Variants in LYN observed in about 807,000 individuals in gnomAD.
The protein encoded by LYN is tyrosine-protein kinase Lyn.
Under a neutral mutation model 65.0 loss-of-function variants are expected in LYN, and 12 were observed. The observed-to-expected ratio is 0.18, with a 90% CI of 0.12 to 0.30. The LOEUF (loss-of-function observed/expected upper bound fraction) is 0.30, where lower values mean the gene tolerates loss of function less well. LYN is among the 10% of genes least tolerant of loss of function. LYN has a pLI of 1.00. For missense variants in LYN, 380 were observed against 623.2 expected, an observed-to-expected ratio of 0.61 and a Z score of 4.16; for synonymous variants, 222 against 221.2, an observed-to-expected ratio of 1.00 and a Z score of -0.03.
chr8:56,005,240 A>G (rs1212331131), intron 12 of LYN, among the ~76,000 whole-genome samples: 1 of 152,114 alleles, frequency 6.6e-6, no homozygotes, highest in East Asian at 1.9e-4. Context: ...GTTTTGCCCT[A>G]ATGTCTGGTT....
At chr8:55,939,599 T>C (rs961197409) in intron 1 of LYN, among the ~76,000 whole-genome samples, 2 of 152,134 alleles carry the variant, frequency 1.3e-5, no homozygotes, top group African/African-American at 4.8e-5. Flanking sequence ...CGGTCCGTGC[T>C]GGGAGGGAGC....
intron 1 of LYN, among the ~76,000 whole-genome samples, chr8:55,892,880 C>A (rs778318597): frequency 6.6e-6 from 1 of 152,096 alleles, no homozygotes; most frequent in African/African-American, 2.4e-5. Context: ...GAATGCAAAG[C>A]CTTGTGTAAC....
chr8:55,881,244 T>C (rs1804645526), intron 1 of LYN, among the ~76,000 whole-genome samples: 1 of 152,216 alleles, frequency 6.6e-6, no homozygotes, highest in African/African-American at 2.4e-5. Context: ...ATGTCAGATT[T>C]AGCCATCTGA....
rs1808796005 is a variant in LYN, at chr8:56,010,862, G to A, written c.*752G>A. The A allele has an allele frequency of 4.4e-6, 1 of 229,852 alleles. No individual in the cohort carries two copies. The highest frequency in any genetic ancestry group is 8.6e-6 in the Non-Finnish European group (1 of 116,070). 14.2% of individuals were successfully genotyped at this position (229,852 alleles called of 1,614,324 possible). ...TGGACCTCCCAGGAAAGGGAGAAGA[G>A]CCTCAGAAACTGCTCTGTGTTTAGA... On this transcript the variant is annotated 3_prime_UTR_variant, in exon 13 of 13. Transcript: ENST00000519728.
chr8:55,890,657 T>C (rs1804931047), intron 1 of LYN, among the ~76,000 whole-genome samples: 2 of 152,056 alleles, frequency 1.3e-5, no homozygotes, highest in East Asian at 1.9e-4. Context: ...TTATTCACAA[T>C]AGCCAAGAAT....
chr8:55,884,380 C>T (rs1049603171), intron 1 of LYN, among the ~76,000 whole-genome samples: 4 of 152,026 alleles, frequency 2.6e-5, no homozygotes, highest in Non-Finnish European at 5.9e-5. Flanking sequence ...GCTGGGATTA[C>T]AGGTGTGAGC....
intron 1 of LYN, chr8:55,894,243 G>T: frequency 6.6e-6 from 1 of 152,510 alleles, no homozygotes; most frequent in South Asian, 1.9e-4. Flanking sequence ...TTCTGTTGCT[G>T]AGGCTGGAGT....
chr8:55,933,056 A>G (rs1806315046), intron 1 of LYN, among the ~76,000 whole-genome samples: 1 of 152,206 alleles, frequency 6.6e-6, no homozygotes, highest in African/African-American at 2.4e-5. Context: ...CCCAAACCTC[A>G]GCATCTTGCA....
Position 55,923,675 on chromosome 8 carries a change from G to A in LYN, c.-5-18180G>A, listed in dbSNP as rs369128802. Among the ~76,000 whole-genome samples the A allele has an allele frequency of 3.9e-5, 6 of 152,158 alleles. No homozygotes were observed. In the East Asian group the frequency reaches 1.2e-3, roughly 29 times the overall value. ...CTGCCTCGGCCTCTTGAGTAGCTGGGATTACAGGCGCCTGCTGCCATACCC... is the reference window on the plus strand; with the variant it reads ...CTGCCTCGGCCTCTTGAGTAGCTGGAATTACAGGCGCCTGCTGCCATACCC... On this transcript the variant is annotated intron_variant, in intron 1 of 12. Coordinates refer to ENST00000519728, the MANE Select transcript of LYN (RefSeq NM_002350.4).
At chr8:55,945,864 T>C (rs1217044702) in intron 2 of LYN, among the ~76,000 whole-genome samples, 3 of 152,144 alleles carry the variant, frequency 2.0e-5, no homozygotes, top group African/African-American at 7.2e-5. Flanking sequence ...TTTTATACAA[T>C]TGGGGAAGCC....
intron 1 of LYN, among the ~76,000 whole-genome samples, chr8:55,928,393 A>T (rs1806171631): frequency 6.6e-6 from 1 of 152,070 alleles, no homozygotes. Flanking sequence ...TGATCCGCCG[A>T]CCTTGGCCTC....
intron 12 of LYN, among the ~76,000 whole-genome samples, chr8:56,002,656 TAAA>T (rs1290885838): frequency 7.0e-6 from 1 of 143,866 alleles, no homozygotes; most frequent in African/African-American, 2.8e-5. Flanking sequence ...AATTAAAAAA[TAAA>T]AAGAGAACCA....
At chr8:55,900,800 T>C (rs7000094) in intron 1 of LYN, among the ~76,000 whole-genome samples, 60,279 of 151,918 alleles carry the variant, frequency 0.4, 12,245 homozygotes, top group Middle Eastern at 0.54. Flanking sequence ...TAAATACTTA[T>C]CTAGCTTGCA....
intron 1 of LYN, among the ~76,000 whole-genome samples, chr8:55,930,238 A>G (rs536132696): frequency 3.9e-5 from 6 of 152,368 alleles, no homozygotes; most frequent in African/African-American, 1.4e-4. Context: ...AATAAGCAGC[A>G]GAAGCTTATG....
intron 1 of LYN, chr8:55,895,602 C>A (rs73604862): frequency 0.062 from 9,428 of 152,104 alleles, 354 homozygotes; most frequent in African/African-American, 0.1. Context: ...CCAGGCTGGG[C>A]ATCATAGTGA....
intron 10 of LYN, among the ~76,000 whole-genome samples, chr8:55,985,900 C>T (rs1278662443): frequency 6.6e-6 from 1 of 152,120 alleles, no homozygotes; most frequent in African/African-American, 2.4e-5. Flanking sequence ...GGCTCAGTGG[C>T]TCATGTCTGT....
intron 12 of LYN, among the ~76,000 whole-genome samples, chr8:56,006,947 C>T (rs746272399): frequency 6.6e-6 from 1 of 152,172 alleles, no homozygotes; most frequent in South Asian, 2.1e-4. Flanking sequence ...AGATAGGCTT[C>T]AGATTCCCTT....
chr8:55,986,375 G>T (rs1194579714), intron 10 of LYN, among the ~76,000 whole-genome samples: 1 of 152,092 alleles, frequency 6.6e-6, no homozygotes, highest in Non-Finnish European at 1.5e-5. Context: ...CTATCTTCGG[G>T]GTAGTACAGT....
At chr8:55,912,129 T>C (rs1335677438) in intron 1 of LYN, among the ~76,000 whole-genome samples, 3 of 152,162 alleles carry the variant, frequency 2.0e-5, no homozygotes, top group Non-Finnish European at 4.4e-5. Context: ...AAACACCAGC[T>C]AGACTGCTGC....
Sources: gnomAD v4.1 joint callset for allele counts (sites outside exome capture counted in the v4.1 genomes callset) on GRCh38, gnomAD v4.1.1 for gene constraint, MANE v1.5 for transcripts, NCBI Gene and HGNC (gene_info 2026-07-23, HGNC 2026-07-21) for gene names.